FAM78B: variants seen among roughly 807,000 people sequenced by gnomAD.
FAM78B encodes the protein family with sequence similarity 78 member B, also known as protein FAM78B.
A neutral mutation model predicts 20.0 loss-of-function variants in FAM78B; 10 were observed. That is an observed-to-expected ratio of 0.50 (90% CI 0.31 to 0.85). FAM78B has a LOEUF of 0.85. Among genes scored for constraint, FAM78B ranks in the 40% least tolerant of loss-of-function variants. The pLI is 0.05. For synonymous variants in FAM78B, 135 were observed against 132.8 expected (o/e 1.02, Z -0.12); for missense variants, 283 against 345.0 (o/e 0.82, Z 1.42).
chr1:166,150,364 T>C (rs1433647521), intron 1 of FAM78B, among the ~76,000 whole-genome samples: 1 of 152,172 alleles, frequency 6.6e-6, no homozygotes, highest in African/African-American at 2.4e-5. Context: ...AAGACAGTCA[T>C]TCAAACCAGA....
chr1:166,088,031 C>T (rs1301179372), intron 1 of FAM78B, among the ~76,000 whole-genome samples: 1 of 152,080 alleles, frequency 6.6e-6, no homozygotes, highest in Non-Finnish European at 1.5e-5. Context: ...CAGAAGTCAG[C>T]CTGCCCCAAC....
chr1:166,144,529 G>C (rs1655390871), intron 1 of FAM78B, among the ~76,000 whole-genome samples: 1 of 152,186 alleles, frequency 6.6e-6, no homozygotes, highest in African/African-American at 2.4e-5. Context: ...GGGAGACAGG[G>C]ATGGGGAGAA....
intron 1 of FAM78B, chr1:166,087,038 C>T (rs1047451858): frequency 6.6e-6 from 1 of 152,036 alleles, no homozygotes; most frequent in African/African-American, 2.4e-5. Context: ...TCTGCAACAA[C>T]ACTACCGGGC....
intron 1 of FAM78B, among the ~76,000 whole-genome samples, chr1:166,150,069 G>A (rs1178254341): frequency 1.3e-5 from 2 of 152,214 alleles, no homozygotes; most frequent in Non-Finnish European, 2.9e-5. Context: ...TTCGGACTCT[G>A]ATACTGCATA....
intron 1 of FAM78B, among the ~76,000 whole-genome samples, chr1:166,159,290 C>T (rs1656041452): frequency 6.6e-6 from 1 of 152,132 alleles, no homozygotes; most frequent in Admixed American, 6.5e-5. Flanking sequence ...CTTGCAGTCT[C>T]AGCTCGGCCA....
chr1:166,154,887 T>A, intron 1 of FAM78B: 1 of 467,764 alleles, frequency 2.1e-6, no homozygotes, highest in Admixed American at 2.4e-5. Flanking sequence ...CCTAACACCC[T>A]GTAAGTTAAA....
chr1:166,138,251 T>C (rs184033988), intron 1 of FAM78B, among the ~76,000 whole-genome samples: 406 of 152,174 alleles, frequency 2.7e-3, no homozygotes, highest in Non-Finnish European at 4.6e-3. Context: ...AAAGGCTTCA[T>C]CCCCAACTCT....
At chr1:166,128,206 C>G (rs1654712467) in intron 1 of FAM78B, among the ~76,000 whole-genome samples, 1 of 26,924 alleles carries the variant, frequency 3.7e-5, no homozygotes, top group Admixed American at 7.5e-4. Context: ...TTTTATTCCT[C>G]TTTTATTTAT....
At chr1:166,097,138 C>T (rs146125728) in intron 1 of FAM78B, among the ~76,000 whole-genome samples, 4,144 of 152,254 alleles carry the variant, frequency 0.027, 257 homozygotes, top group Admixed American at 0.14. Context: ...GAGAAGTTTC[C>T]GACTTTACCT....
intron 1 of FAM78B, among the ~76,000 whole-genome samples, chr1:166,120,483 G>A (rs1185878303): frequency 1.3e-5 from 2 of 152,204 alleles, no homozygotes; most frequent in African/African-American, 2.4e-5. Context: ...TCAGTGTGCT[G>A]TATATCATGT....
At chr1:166,136,729 TG>T (rs1655078002) in intron 1 of FAM78B, among the ~76,000 whole-genome samples, 1 of 152,216 alleles carries the variant, frequency 6.6e-6, no homozygotes, top group Non-Finnish European at 1.5e-5. Flanking sequence ...CAGGCTACCT[TG>T]CCCCTAACTG....
chr1:166,149,768 A>G (rs1353348643), intron 1 of FAM78B, among the ~76,000 whole-genome samples: 1 of 152,130 alleles, frequency 6.6e-6, no homozygotes, highest in East Asian at 1.9e-4. Flanking sequence ...ATACCTCCAC[A>G]CAGGGAATCC....
At chr1:166,102,677 G>C (rs1040817231) in intron 1 of FAM78B, among the ~76,000 whole-genome samples, 1 of 151,972 alleles carries the variant, frequency 6.6e-6, no homozygotes, top group African/African-American at 2.4e-5. Context: ...ATATATATGC[G>C]CCCAATACAG....
intron 1 of FAM78B, among the ~76,000 whole-genome samples, chr1:166,122,983 G>A (rs1654515408): frequency 6.6e-6 from 1 of 152,098 alleles, no homozygotes; most frequent in Non-Finnish European, 1.5e-5. Context: ...TATAAACACA[G>A]CAGAGGGCAG....
chr1:166,150,885 G>C (rs1432086058), intron 1 of FAM78B, among the ~76,000 whole-genome samples: 3 of 152,098 alleles, frequency 2.0e-5, no homozygotes, highest in Non-Finnish European at 4.4e-5. Flanking sequence ...AGGAGTTTGA[G>C]ACTAGCCTGA....
intron 1 of FAM78B, among the ~76,000 whole-genome samples, chr1:166,130,570 G>T (rs1448419474): frequency 6.6e-6 from 1 of 152,144 alleles, no homozygotes; most frequent in East Asian, 1.9e-4. Flanking sequence ...GTAGAGGCTA[G>T]GTATGCTGCT....
chr1:166,146,469 G>A (rs928390443), intron 1 of FAM78B, among the ~76,000 whole-genome samples: 2 of 152,138 alleles, frequency 1.3e-5, no homozygotes, highest in Non-Finnish European at 1.5e-5. Context: ...GCAGTCCTAC[G>A]GAAATGAAGA....
At chr1:166,115,915 G>A (rs577383840) in intron 1 of FAM78B, among the ~76,000 whole-genome samples, 5 of 152,336 alleles carry the variant, frequency 3.3e-5, no homozygotes, top group African/African-American at 9.6e-5. Flanking sequence ...AGAAAACAAG[G>A]TCAAAGGTGT....
intron 1 of FAM78B, among the ~76,000 whole-genome samples, chr1:166,109,821 T>TAC (rs1653933303): frequency 5.5e-5 from 1 of 18,294 alleles, no homozygotes; most frequent in Non-Finnish European, 9.9e-5. Flanking sequence ...TATGTATATA[T>TAC]ATATATATAT....
Sources: allele counts gnomAD v4.1 joint callset (sites outside exome capture counted in the v4.1 genomes callset), GRCh38; gene constraint gnomAD v4.1.1; transcripts MANE v1.5; gene names NCBI Gene and HGNC (gene_info 2026-07-23, HGNC 2026-07-21).